The following MARK3 variants were observed in gnomAD, a reference collection of about 807,000 sequenced individuals.
MARK3 encodes microtubule affinity regulating kinase 3, also known as MAP/microtubule affinity-regulating kinase 3.
MARK3 carries 46 observed loss-of-function variants against 90.1 expected under a neutral mutation model. That is an observed-to-expected ratio of 0.51 (90% CI 0.40 to 0.65). The LOEUF (loss-of-function observed/expected upper bound fraction) is 0.65. Ranked by LOEUF, MARK3 falls within the 30% of genes least tolerant of loss-of-function variation. MARK3 has a pLI of 0.00. For synonymous variants in MARK3, 321 were observed against 332.6 expected (o/e 0.97, Z 0.38); for missense variants, 818 against 947.2 (o/e 0.86, Z 1.79).
chr14:103,388,606 C>T (rs949639537), intron 1 of MARK3, among the ~76,000 whole-genome samples: 4 of 152,104 alleles, frequency 2.6e-5, no homozygotes, highest in African/African-American at 9.7e-5. Context: ...GTTATGTAAC[C>T]GCTATCACAA....
intron 2 of MARK3, among the ~76,000 whole-genome samples, chr14:103,415,502 A>G (rs2091906538): frequency 6.6e-6 from 1 of 152,182 alleles, no homozygotes; most frequent in Non-Finnish European, 1.5e-5. Context: ...TCTATCCCAT[A>G]TTTACTATGA....
At position 103,411,578 on chromosome 14, in the gene MARK3, G is replaced by T. The variant is rs140074615; in HGVS notation, c.243+6311G>T. On this transcript the variant is annotated intron_variant, in intron 2 of 17. Coordinates refer to ENST00000429436, the MANE Select transcript of MARK3 (RefSeq NM_001128918.3). ...GTTTTTATTACTGCAGCTGTGGATT[G>T]TATGTTTTAGGTCAAGTTCCCCTCC... Among the ~76,000 whole-genome samples the T allele has an allele frequency of 2.7e-4, 41 of 151,848 alleles. No homozygotes were observed. In the East Asian group the frequency reaches 7.5e-3, roughly 28 times the overall value.
rs530205947 is a variant in MARK3 at position 103,426,102 on chromosome 14, G to T, written c.244-2285G>T. Among the ~76,000 whole-genome samples, 100 of 152,240 alleles carry T rather than the reference G, an allele frequency of 6.6e-4. 1 individual carries two copies. Among genetic ancestry groups the T allele is most frequent in the Middle Eastern group, 3.4e-3 (1 of 294 alleles). On this transcript the variant is annotated intron_variant, in intron 2 of 17. Transcript: ENST00000429436. Reference sequence around the variant, plus strand: ...TTTTTGTGATACTAGTAAAACATTTGCTTTTTTCATTCTGTCTCTCACAAG... The same window carrying T: ...TTTTTGTGATACTAGTAAAACATTTTCTTTTTTCATTCTGTCTCTCACAAG...
chr14:103,473,049 A>G (rs1417905242), intron 12 of MARK3, among the ~76,000 whole-genome samples: 1 of 152,100 alleles, frequency 6.6e-6, no homozygotes, highest in Non-Finnish European at 1.5e-5. Context: ...CACAACTCAG[A>G]TGGATCTCAA....
rs2089748753 is a variant in MARK3, at chr14:103,385,923, G to T, written c.-107G>T. 7 of 874,218 alleles carry T rather than the reference G, an allele frequency of 8.0e-6. No individual in the cohort carries two copies. The highest frequency in any genetic ancestry group is 2.5e-4 in the Middle Eastern group (1 of 3,936). The allele number at this position is 874,218 out of a possible 1,614,324, so 54.2% of individuals were successfully genotyped here. A position where few individuals can be genotyped will look rare whatever the true frequency, so the allele number is the denominator to read the frequency against. ...GGGGAAGGGAGCCGCCCTCCCCACGGCGCCTTTTCGGAACTGCCGTGGACT... is the reference window on the plus strand; with the variant it reads ...GGGGAAGGGAGCCGCCCTCCCCACGTCGCCTTTTCGGAACTGCCGTGGACT... On this transcript the variant is annotated 5_prime_UTR_variant, in exon 1 of 18. Transcript: ENST00000429436.
intron 3 of MARK3, among the ~76,000 whole-genome samples, chr14:103,443,224 A>C (rs1196596893): frequency 6.6e-6 from 1 of 152,234 alleles, no homozygotes; most frequent in African/African-American, 2.4e-5. Context: ...AAAGTAGTTA[A>C]CATATTGCCA....
At chr14:103,496,444 G>A (rs1191503744) in intron 15 of MARK3, among the ~76,000 whole-genome samples, 1 of 150,180 alleles carries the variant, frequency 6.7e-6, no homozygotes, top group Non-Finnish European at 1.5e-5. Context: ...ACGGAGTCTC[G>A]CTCTGTCACC....
chr14:103,386,378 A>T, intron 1 of MARK3: 1 of 675,164 alleles, frequency 1.5e-6, no homozygotes, highest in Non-Finnish European at 2.7e-6. Flanking sequence ...CGCGCAATGG[A>T]TTGTGCAAAC....
intron 7 of MARK3, among the ~76,000 whole-genome samples, chr14:103,462,865 C>A (rs2093428226): frequency 6.6e-6 from 1 of 152,188 alleles, no homozygotes; most frequent in African/African-American, 2.4e-5. Flanking sequence ...TGCCCTCACT[C>A]TGGCATAGGA....
At chr14:103,426,829 C>G (rs2092419365) in intron 2 of MARK3, among the ~76,000 whole-genome samples, 1 of 151,926 alleles carries the variant, frequency 6.6e-6, no homozygotes, top group Non-Finnish European at 1.5e-5. Flanking sequence ...CTTGGTTAGC[C>G]CACAGATTGG....
intron 3 of MARK3, among the ~76,000 whole-genome samples, chr14:103,435,083 G>GA (rs956907025): frequency 6.6e-6 from 1 of 152,164 alleles, no homozygotes; most frequent in Admixed American, 6.6e-5. Context: ...CTTATAATTT[G>GA]AAAGCAAGGA....
chr14:103,391,815 C>T (rs560063283), intron 1 of MARK3, among the ~76,000 whole-genome samples: 75 of 150,882 alleles, frequency 5.0e-4, no homozygotes, highest in African/African-American at 1.8e-3. Flanking sequence ...GCCTTGGCCT[C>T]CCAAAGTGCT....
intron 1 of MARK3, among the ~76,000 whole-genome samples, chr14:103,399,595 A>T (rs954799497): frequency 2.0e-5 from 3 of 149,876 alleles, no homozygotes; most frequent in African/African-American, 7.4e-5. Context: ...GCTACTCGGG[A>T]GGCTGAGGCC....
intron 6 of MARK3, chr14:103,458,679 G>A (rs1359479260): frequency 3.0e-6 from 2 of 656,144 alleles, no homozygotes; most frequent in African/African-American, 1.8e-5. Flanking sequence ...TGGAATTATA[G>A]CCTCATTTTT....
At chr14:103,432,416 C>A (rs552411035) in intron 3 of MARK3, among the ~76,000 whole-genome samples, 1 of 152,012 alleles carries the variant, frequency 6.6e-6, no homozygotes, top group Non-Finnish European at 1.5e-5. Flanking sequence ...CTGCTTATAC[C>A]CACCTCAATC....
At chr14:103,392,508 A>G (rs2090322447) in intron 1 of MARK3, among the ~76,000 whole-genome samples, 1 of 152,184 alleles carries the variant, frequency 6.6e-6, no homozygotes, top group Non-Finnish European at 1.5e-5. Flanking sequence ...GAATCACTAT[A>G]GCAGGAATTT....
rs113615342 is a variant in MARK3, at chr14:103,434,278, A to G, written c.297+5838A>G. Among the ~76,000 whole-genome samples the G allele has an allele frequency of 1.4e-3, 208 of 152,312 alleles. 1 individual carries two copies. The highest frequency in any genetic ancestry group is 4.7e-3 in the African/African-American group (197 of 41,568). On this transcript the variant is annotated intron_variant, in intron 3 of 17. Coordinates refer to ENST00000429436, the MANE Select transcript of MARK3 (RefSeq NM_001128918.3). ...CAATTTTAACCAAGTTGTCCGCTCTACCATACCCAAATCGCAACGAGAAGT... is the reference window on the plus strand; with the variant it reads ...CAATTTTAACCAAGTTGTCCGCTCTGCCATACCCAAATCGCAACGAGAAGT...
At chr14:103,387,309 A>G (rs906037472) in intron 1 of MARK3, among the ~76,000 whole-genome samples, 28 of 152,232 alleles carry the variant, frequency 1.8e-4, no homozygotes, top group African/African-American at 6.5e-4. Flanking sequence ...GCATATTAGT[A>G]TACAATATTT....
At chr14:103,501,893 G>A (rs1053122449) in intron 17 of MARK3, among the ~76,000 whole-genome samples, 12 of 152,178 alleles carry the variant, frequency 7.9e-5, no homozygotes, top group African/African-American at 2.9e-4. Context: ...TGGCAGGTTG[G>A]TGACACGGAG....
Sources: gnomAD v4.1 joint callset for allele counts (sites outside exome capture counted in the v4.1 genomes callset) on GRCh38, gnomAD v4.1.1 for gene constraint, MANE v1.5 for transcripts, NCBI Gene and HGNC (gene_info 2026-07-23, HGNC 2026-07-21) for gene names.